Variants in SLC26A4 observed in about 807,000 individuals in gnomAD.
The protein encoded by SLC26A4 is solute carrier family 26 member 4.
SLC26A4 carries 93 observed loss-of-function variants against 90.4 expected under a neutral mutation model. The ratio of observed to expected loss-of-function variants is 1.03; its 90% CI spans 0.87 to 1.22. The LOEUF (loss-of-function observed/expected upper bound fraction) is 1.22. Among genes scored for constraint, SLC26A4 ranks in the 50% most tolerant of loss-of-function variants. The pLI, the probability that SLC26A4 is intolerant of heterozygous loss-of-function variation, is 0.00. For synonymous variants in SLC26A4, 393 were observed against 354.6 expected (o/e 1.11, Z -1.22); for missense variants, 1,127 against 946.2 (o/e 1.19, Z -2.51).
rs1325392115 is a variant in SLC26A4, at chr7:107,717,713, A to G, written c.*2267A>G. ...TGTATATGAGTTTTAACAAATTAAA[A>G]AATCAAATCATGTACATTTGAAAAT... On this transcript the variant is annotated 3_prime_UTR_variant, in exon 21 of 21. Coordinates refer to ENST00000644269, the MANE Select transcript of SLC26A4 (RefSeq NM_000441.2). 1 of 152,686 alleles carries G rather than the reference A, an allele frequency of 6.5e-6. No homozygotes were observed. Among genetic ancestry groups the G allele is most frequent in the African/African-American group, 2.4e-5 (1 of 41,474 alleles). The allele number at this position is 152,686 out of a possible 1,614,324, so 9.5% of individuals were successfully genotyped here.
intron 6 of SLC26A4, among the ~76,000 whole-genome samples, chr7:107,676,283 T>TA (rs1468379135): frequency 6.6e-6 from 1 of 152,188 alleles, no homozygotes; most frequent in African/African-American, 2.4e-5. Context: ...GTACTCTAAA[T>TA]AAAGGAGTTA....
intron 2 of SLC26A4, among the ~76,000 whole-genome samples, chr7:107,662,522 G>T (rs1584293969): frequency 2.1e-5 from 3 of 146,246 alleles, no homozygotes; most frequent in Non-Finnish European, 3.0e-5. Context: ...CTTGTTTCTT[G>T]TATCTACACC....
chr7:107,679,703 T>C (rs1791124733), intron 6 of SLC26A4, among the ~76,000 whole-genome samples: 1 of 151,144 alleles, frequency 6.6e-6, no homozygotes, highest in Admixed American at 6.6e-5. Flanking sequence ...TATATGTGTA[T>C]CCATACTATT....
intron 8 of SLC26A4, among the ~76,000 whole-genome samples, chr7:107,683,783 G>T (rs1042164836): frequency 5.3e-5 from 8 of 152,052 alleles, no homozygotes; most frequent in African/African-American, 1.2e-4. Flanking sequence ...GGCAGAACAT[G>T]TACGGTTAAC....
chr7:107,687,359 C>G (rs1409558750), intron 8 of SLC26A4, among the ~76,000 whole-genome samples: 1 of 152,104 alleles, frequency 6.6e-6, no homozygotes, highest in Admixed American at 6.6e-5. Context: ...TGGTTTGGGG[C>G]AAATAATTGG....
intron 14 of SLC26A4, among the ~76,000 whole-genome samples, chr7:107,699,206 G>A (rs567431078): frequency 2.0e-5 from 3 of 152,054 alleles, no homozygotes; most frequent in Admixed American, 6.6e-5. Flanking sequence ...TGACTTCTAG[G>A]CTCCATCTTG....
At chr7:107,696,913 G>A (rs1393606944) in intron 13 of SLC26A4, among the ~76,000 whole-genome samples, 2 of 152,136 alleles carry the variant, frequency 1.3e-5, no homozygotes, top group African/African-American at 2.4e-5. Flanking sequence ...GAAGACACCT[G>A]GAAAAACATC....
In SLC26A4 at chr7:107,710,126, C is replaced by T. The variant is rs121908363; in HGVS notation, c.2162C>T (p.Thr721Met). The T allele has an allele frequency of 1.7e-5, 28 of 1,607,208 alleles. No individual in the cohort carries two copies. The Admixed American group carries it at 2.2e-4, about 12-fold the overall frequency. The stretch of plus-strand genomic sequence containing the variant: ...ATTAGAAAGGACACATTCTTTTTGA[C>T]GGTCCATGATGCTATACTCTATCTA... ...DNIRKDTFFL[T>M]VHDAILYLQN... Residue 721 changes from threonine (T) to methionine (M), a missense_variant, in exon 19 of 21, where the codon ACG becomes ATG. Thr to Met is a moderately conservative substitution (Grantham distance 81). Coordinates refer to ENST00000644269, the MANE Select transcript of SLC26A4 (RefSeq NM_000441.2).
At position 107,710,207 on chromosome 7, in the gene SLC26A4, T is replaced by G. The variant is rs1792145635; in HGVS notation, c.2235+8T>G. Reference sequence around the variant, plus strand: ...GGTTCCATTTTAGAAACGGTAAATATTCAACCTTTCTACAGATGTATCTTT... The same window carrying G: ...GGTTCCATTTTAGAAACGGTAAATAGTCAACCTTTCTACAGATGTATCTTT... On this transcript the variant is annotated splice_region_variant and intron_variant, in intron 19 of 20. Transcript: ENST00000644269. The G allele has an allele frequency of 1.3e-6, 2 of 1,570,754 alleles. No individual in the cohort carries two copies. The highest frequency in any genetic ancestry group is 1.8e-6 in the Non-Finnish European group (2 of 1,140,658).
chr7:107,699,492 C>T (rs1004162468), intron 14 of SLC26A4, among the ~76,000 whole-genome samples: 3 of 152,148 alleles, frequency 2.0e-5, no homozygotes, highest in African/African-American at 4.8e-5. Flanking sequence ...TCAGGCAAAT[C>T]ATGGCACTGT....
chr7:107,689,245 A>G, intron 9 of SLC26A4, 45 bp downstream of exon 9: 1 of 1,603,128 alleles, frequency 6.2e-7, no homozygotes, highest in South Asian at 1.1e-5. Context: ...GGCTGGAAAC[A>G]GGAAAAAAAC....
intron 3 of SLC26A4, among the ~76,000 whole-genome samples, chr7:107,667,645 C>T (rs1007621414): frequency 4.6e-5 from 7 of 151,806 alleles, no homozygotes; most frequent in East Asian, 3.9e-4. Flanking sequence ...GATACTAGAA[C>T]GTATTTGTGA....
In SLC26A4 at chr7:107,704,332, T is replaced by C. The variant is rs533881729; in HGVS notation, c.2036T>C (p.Ile679Thr). ...CAAACTCTCCTTTTTTATTTTTAGA[T>C]TGTCAAAGAATTCCAAAGAATTGAT... ...DVVGVRSLRV[I>T]VKEFQRIDVN... The change falls in exon 18 of 21, where the codon ATT becomes ACT. Residue 679 changes from isoleucine to threonine, a missense_variant and splice_region_variant. Transcript: ENST00000644269. 1.6e-5 allele frequency: 21 copies of C among 1,344,796 alleles called. No homozygotes were observed. In the South Asian group the frequency reaches 1.9e-4, roughly 12 times the overall value. 83.3% of individuals were successfully genotyped at this position (1,344,796 alleles called of 1,614,324 possible). A position where few individuals can be genotyped will look rare whatever the true frequency, so the allele number is the denominator to read the frequency against.
rs543509635 is a variant in SLC26A4, at chr7:107,705,815, A to C, written c.2089+1430A>C. On this transcript the variant is annotated intron_variant, in intron 18 of 20. Transcript: ENST00000644269. ...TGACAGTCTTGGAGCTGTCTACAGC[A>C]TGAAGTTGACAACTTCTTGTTTTGG... Among the ~76,000 whole-genome samples, 5 of 152,360 alleles carry C rather than the reference A, an allele frequency of 3.3e-5. No individual in the cohort carries two copies. The East Asian group carries it at 7.7e-4, about 24-fold the overall frequency.
At chr7:107,701,743 G>T in intron 16 of SLC26A4, 84 bp from the exon 17 acceptor site, 2 of 914,084 alleles carry the variant, frequency 2.2e-6, no homozygotes, top group Non-Finnish European at 1.8e-6. Flanking sequence ...GGAACAGTGT[G>T]TAGGTCTTTT....
chr7:107,680,917 C>T (rs1791213333), intron 6 of SLC26A4, among the ~76,000 whole-genome samples: 1 of 152,082 alleles, frequency 6.6e-6, no homozygotes, highest in Admixed American at 6.6e-5. Context: ...AATGTTATAC[C>T]TAGCTCCTGA....
chr7:107,686,303 C>T (rs761475300), intron 8 of SLC26A4, among the ~76,000 whole-genome samples: 8 of 35,626 alleles, frequency 2.2e-4, no homozygotes, highest in Non-Finnish European at 3.1e-4. Flanking sequence ...TACCTTCCCT[C>T]CCTTCCCTCC....
At chr7:107,677,439 G>GTTT (rs1245878501) in intron 6 of SLC26A4, among the ~76,000 whole-genome samples, 4 of 152,016 alleles carry the variant, frequency 2.6e-5, no homozygotes, top group African/African-American at 9.7e-5. Context: ...TAAGAATTGA[G>GTTT]TTTATTATTA....
At chr7:107,680,293 A>G (rs1183047951) in intron 6 of SLC26A4, among the ~76,000 whole-genome samples, 1 of 96,962 alleles carries the variant, frequency 1.0e-5, no homozygotes, top group Admixed American at 1.1e-4. Flanking sequence ...ATCTTATCTT[A>G]TTATATAATA....
Sources: gnomAD v4.1 joint callset for allele counts (sites outside exome capture counted in the v4.1 genomes callset) on GRCh38, gnomAD v4.1.1 for gene constraint, MANE v1.5 for transcripts, NCBI Gene and HGNC (gene_info 2026-07-23, HGNC 2026-07-21) for gene names.